The following SMARCE1 variants were observed in gnomAD, a reference collection of about 807,000 sequenced individuals.
SMARCE1 encodes the protein SWI/SNF related BAF chromatin remodeling complex subunit E1.
In SMARCE1, 13 loss-of-function variants were observed where a neutral mutation model predicts 54.9. The observed-to-expected ratio is 0.24, with a 90% CI of 0.15 to 0.38. SMARCE1 has a LOEUF of 0.38. Ranked by LOEUF, SMARCE1 falls within the 10% of genes least tolerant of loss-of-function variation. SMARCE1 has a pLI of 1.00. For missense variants in SMARCE1, 295 were observed against 523.8 expected, an observed-to-expected ratio of 0.56 and a Z score of 4.26; for synonymous variants, 151 against 175.3, an observed-to-expected ratio of 0.86 and a Z score of 1.10.
At chr17:40,640,740 T>C (rs902692839) in intron 4 of SMARCE1, 2 of 152,198 alleles carry the variant, frequency 1.3e-5, no homozygotes, top group Admixed American at 6.5e-5. Flanking sequence ...AGGACAATAA[T>C]ACAAAGTAAA....
intron 7 of SMARCE1, chr17:40,633,733 T>C (rs1255790559): frequency 6.6e-6 from 1 of 152,262 alleles, no homozygotes; most frequent in Non-Finnish European, 1.5e-5. Flanking sequence ...TGTTTCCTTT[T>C]GAGTAATTTC....
intron 9 of SMARCE1, 86 bp from the exon 10 acceptor site, chr17:40,631,010 C>G (rs1337895731): frequency 9.8e-7 from 1 of 1,023,340 alleles, no homozygotes; most frequent in Non-Finnish European, 1.4e-6. Flanking sequence ...GGTTTTCTTG[C>G]CTATAAACTA....
chr17:40,641,182 CTTT>C (rs1295538188), intron 4 of SMARCE1: 1 of 152,148 alleles, frequency 6.6e-6, no homozygotes, highest in African/African-American at 2.4e-5. Context: ...CTGAAATGTT[CTTT>C]ATCATTTGAA....
At chr17:40,638,356 GAC>G (rs2037165121) in intron 4 of SMARCE1, among the ~76,000 whole-genome samples, 1 of 152,024 alleles carries the variant, frequency 6.6e-6, no homozygotes, top group East Asian at 1.9e-4. Context: ...TTATGGGAAA[GAC>G]AGAGGAAAAG....
intron 9 of SMARCE1, 102 bp from the exon 10 acceptor site, chr17:40,631,026 ATAT>A (rs1282697694): frequency 1.4e-5 from 12 of 833,372 alleles, no homozygotes; most frequent in Non-Finnish European, 2.0e-5. Flanking sequence ...AACTATATAT[ATAT>A]ATCTATACAC....
At chr17:40,647,417 G>A (rs1293523515) in intron 1 of SMARCE1, 3 of 152,902 alleles carry the variant, frequency 2.0e-5, no homozygotes, top group Non-Finnish European at 4.4e-5. Flanking sequence ...AACCAATGGG[G>A]GAACCTTCTG....
chr17:40,628,769 C>G lies in SMARCE1; in HGVS notation c.*16G>C, dbSNP rs772416345. On this transcript the variant is annotated 3_prime_UTR_variant, in exon 11 of 11. Coordinates refer to ENST00000348513, the MANE Select transcript of SMARCE1 (RefSeq NM_003079.5). ...CATTAAAAAAAGTATTTAGAACACACAAAACAAGGCAACACTTATTCTTTT... is the reference window on the plus strand; with the variant it reads ...CATTAAAAAAAGTATTTAGAACACAGAAAACAAGGCAACACTTATTCTTTT... The G allele has an allele frequency of 6.3e-7, 1 of 1,598,504 alleles. No individual in the cohort carries two copies. Among genetic ancestry groups the G allele is most frequent in the South Asian group, 1.1e-5 (1 of 90,730 alleles).
At chr17:40,638,268 G>A (rs913255997) in intron 4 of SMARCE1, among the ~76,000 whole-genome samples, 9 of 152,126 alleles carry the variant, frequency 5.9e-5, no homozygotes, top group Admixed American at 2.0e-4. Context: ...GAACAGAGAA[G>A]TGGCAGATAT....
Position 40,642,193 on chromosome 17 carries a change from G to A in SMARCE1, c.156+262C>T. ...AAGAAATTCTGTTTGTTTACATACA[G>A]TATAAGCATCAAGTGCTCAAGGCTT... On this transcript the variant is annotated intron_variant, in intron 4 of 10. Coordinates refer to ENST00000348513, the MANE Select transcript of SMARCE1 (RefSeq NM_003079.5). This position sits in a 1 kb window ranked among gnomAD's most constrained non-coding sequence, Gnocchi z 4.6. The A allele has an allele frequency of 3.4e-6, 2 of 596,904 alleles. No homozygotes were observed. Among genetic ancestry groups the A allele is most frequent in the Non-Finnish European group, 5.9e-6 (2 of 339,202 alleles). The allele number at this position is 596,904 out of a possible 1,614,324, so 37.0% of individuals were successfully genotyped here. A position where few individuals can be genotyped will look rare whatever the true frequency, so the allele number is the denominator to read the frequency against.
At chr17:40,629,850 G>T in intron 10 of SMARCE1, 1 of 368,480 alleles carries the variant, frequency 2.7e-6, no homozygotes, top group Non-Finnish European at 4.8e-6. Context: ...ATACAAAACA[G>T]AAAGAGACTC....
intron 10 of SMARCE1, chr17:40,630,414 TGTTCCA>T: frequency 1.6e-6 from 1 of 644,342 alleles, no homozygotes. Flanking sequence ...AGTGTGGCTG[TGTTCCA>T]GTTTTATTTA....
Position 40,630,733 on chromosome 17 carries a change from C to G in SMARCE1, c.1008G>C (p.Glu336Asp), listed in dbSNP as rs1323477202. The stretch of plus-strand genomic sequence containing the variant: ...GGTTACCTGTCTCCATCGGAATGTT[C>G]TCGTCGTCTTTCTTCTCCTCGCCTT... ...ANKGEEKKDDENIPMETEETH... is the reference protein window; with the variant it reads ...ANKGEEKKDDDNIPMETEETH... The change falls in exon 10 of 11, where the codon GAG becomes GAC. Residue 336 changes from glutamate (E) to aspartate (D), a missense_variant. Around this residue, in one of 5 missense-constraint regions of SMARCE1, gnomAD observed 147 missense variants for 161.4 expected, o/e 0.91. Coordinates refer to ENST00000348513, the MANE Select transcript of SMARCE1 (RefSeq NM_003079.5). The G allele has an allele frequency of 3.7e-6, 6 of 1,614,080 alleles. No individual in the cohort carries two copies. Among genetic ancestry groups the G allele is most frequent in the Non-Finnish European group, 5.1e-6 (6 of 1,180,004 alleles).
chr17:40,627,167 G>C lies in SMARCE1; in HGVS notation c.*1618C>G, dbSNP rs1462578504. ...CAAATAATGGCCAAAGCTCAAAACA[G>C]ATCTATTTGATACAAATTCGTTCTT... is the stretch of plus-strand genomic sequence containing the variant. On this transcript the variant is annotated 3_prime_UTR_variant, in exon 11 of 11. Coordinates refer to ENST00000348513, the MANE Select transcript of SMARCE1 (RefSeq NM_003079.5). 1 of 152,186 alleles carries C rather than the reference G, an allele frequency of 6.6e-6. No homozygotes were observed. 9.4% of individuals were successfully genotyped at this position (152,186 alleles called of 1,614,324 possible). A position where few individuals can be genotyped will look rare whatever the true frequency, so the allele number is the denominator to read the frequency against.
intron 10 of SMARCE1, chr17:40,629,316 T>G (rs2037067454): frequency 7.3e-6 from 3 of 408,384 alleles, no homozygotes; most frequent in Non-Finnish European, 1.3e-5. Context: ...GTTCCTTCTG[T>G]GTTGAAATAA....
chr17:40,642,336 G>T lies in SMARCE1; in HGVS notation c.156+119C>A. ...AACGAATGTTGAAAATACTCAAAAA[G>T]CTAGGTTAAAAAATTTTTTTTAAAT... On this transcript the variant is annotated intron_variant, in intron 4 of 10. Transcript: ENST00000348513. The surrounding 1 kb of genome is among the most constrained non-coding windows in gnomAD (Gnocchi z 4.6). 1.4e-6 allele frequency: 1 copy of T among 736,350 alleles called. No individual in the cohort carries two copies. The highest frequency in any genetic ancestry group is 2.5e-6 in the Non-Finnish European group (1 of 400,092). The allele number at this position is 736,350 out of a possible 1,614,324, so 45.6% of individuals were successfully genotyped here. A position where few individuals can be genotyped will look rare whatever the true frequency, so the allele number is the denominator to read the frequency against.
At chr17:40,632,174 A>G (rs1370659733) in intron 8 of SMARCE1, 21 bp downstream of exon 8, 1 of 1,589,944 alleles carries the variant, frequency 6.3e-7, no homozygotes, top group South Asian at 1.1e-5. Context: ...TCTTATTGAA[A>G]TGAATGTTTT....
chr17:40,629,042 T>C, intron 10 of SMARCE1, 49 bp from the exon 11 acceptor site: 1 of 1,487,918 alleles, frequency 6.7e-7, no homozygotes, highest in Non-Finnish European at 9.4e-7. Flanking sequence ...AATTTTACTC[T>C]AGTTATGCTG....
At chr17:40,636,220 T>A in intron 6 of SMARCE1, 118 bp from the exon 7 acceptor site, 1 of 1,198,400 alleles carries the variant, frequency 8.3e-7, no homozygotes, top group Non-Finnish European at 1.2e-6. Flanking sequence ...GGGATAATTA[T>A]CTCCTTTTTA....
intron 1 of SMARCE1, among the ~76,000 whole-genome samples, chr17:40,646,470 C>T (rs1161047651): frequency 6.6e-6 from 1 of 152,202 alleles, no homozygotes; most frequent in Non-Finnish European, 1.5e-5. Context: ...TTTCTTGATA[C>T]ATTACCTGGG....
Sources: allele counts gnomAD v4.1 joint callset (sites outside exome capture counted in the v4.1 genomes callset), GRCh38; gene constraint gnomAD v4.1.1; regional missense constraint gnomAD v4.1.1; non-coding constraint Gnocchi (gnomAD v3.1); transcripts MANE v1.5; gene names NCBI Gene and HGNC (gene_info 2026-07-23, HGNC 2026-07-21).